Variants in EXOC1 observed in about 807,000 individuals in gnomAD.
The protein encoded by EXOC1 is SEC3-like 1.
In EXOC1, 67 loss-of-function variants were observed where a neutral mutation model predicts 107.7. The ratio of observed to expected loss-of-function variants is 0.62; its 90% CI spans 0.51 to 0.76. EXOC1 has a LOEUF of 0.76. Ranked by LOEUF, EXOC1 falls within the 30% of genes least tolerant of loss-of-function variation. The probability of loss-of-function intolerance (pLI) is 0.00; values close to 1 mark genes in which losing one functional copy is unlikely to be tolerated. For missense variants in EXOC1, 833 were observed against 1,055.7 expected (o/e 0.79, Z 2.92); for synonymous variants, 348 against 353.5 (o/e 0.98, Z 0.17).
At position 55,883,803 on chromosome 4, in the gene EXOC1, C is replaced by T; in HGVS notation, c.1225-20C>T. ...ATATGTGTTTTATTAATAAGAAGTACATGTTACTTTTATTTTAAGAATTAC... is the reference window on the plus strand; with the variant it reads ...ATATGTGTTTTATTAATAAGAAGTATATGTTACTTTTATTTTAAGAATTAC... On this transcript the variant is annotated intron_variant, in intron 9 of 18. Coordinates refer to ENST00000381295, the MANE Select transcript of EXOC1 (RefSeq NM_001024924.2). 3 of 1,433,708 alleles carry T rather than the reference C, an allele frequency of 2.1e-6. No homozygotes were observed. Among genetic ancestry groups the T allele is most frequent in the Non-Finnish European group, 1.9e-6 (2 of 1,046,682 alleles). The allele number at this position is 1,433,708 out of a possible 1,614,324, so 88.8% of individuals were successfully genotyped here.
intron 4 of EXOC1, among the ~76,000 whole-genome samples, chr4:55,866,145 T>C (rs554366040): frequency 6.6e-6 from 1 of 152,282 alleles, no homozygotes; most frequent in African/African-American, 2.4e-5. Context: ...CACCCCAGTT[T>C]AAGAGCTCAA....
intron 13 of EXOC1, 118 bp downstream of exon 13, chr4:55,891,540 A>AT (rs1222380753): frequency 2.9e-6 from 2 of 697,300 alleles, no homozygotes; most frequent in Non-Finnish European, 2.4e-6. Flanking sequence ...TCATGTAAGG[A>AT]TTTTTTTATG....
chr4:55,868,606 A>C (rs1722160156), intron 5 of EXOC1, 83 bp downstream of exon 5: 2 of 1,274,130 alleles, frequency 1.6e-6, no homozygotes, highest in African/African-American at 3.0e-5. Context: ...CTACCTCAGC[A>C]CTTAAGCCTT....
chr4:55,877,562 A>G, intron 8 of EXOC1: 1 of 985,370 alleles, frequency 1.0e-6, no homozygotes, highest in Non-Finnish European at 1.2e-6. Flanking sequence ...TCTTAATTCA[A>G]GCTATATCAA....
intron 11 of EXOC1, 111 bp downstream of exon 11, chr4:55,889,043 G>A: frequency 9.9e-7 from 1 of 1,014,898 alleles, no homozygotes; most frequent in Non-Finnish European, 1.5e-6. Flanking sequence ...GCTCTGAATT[G>A]CCAGGTATTG....
chr4:55,892,845 C>A, intron 14 of EXOC1, 134 bp downstream of exon 14: 3 of 737,060 alleles, frequency 4.1e-6, no homozygotes, highest in Non-Finnish European at 4.5e-6. Context: ...TGTCCATTGT[C>A]TTATCAAACG....
intron 8 of EXOC1, chr4:55,876,954 T>G: frequency 2.0e-6 from 2 of 985,366 alleles, no homozygotes; most frequent in Non-Finnish European, 2.4e-6. Context: ...TATACTCCCA[T>G]CTTTCTTTCT....
At chr4:55,872,604 C>T (rs1479236135) in intron 8 of EXOC1, among the ~76,000 whole-genome samples, 1 of 151,670 alleles carries the variant, frequency 6.6e-6, no homozygotes, top group East Asian at 1.9e-4. Context: ...TTAAAAGTCC[C>T]TTTTATTTTA....
intron 2 of EXOC1, among the ~76,000 whole-genome samples, chr4:55,859,269 C>G (rs1721262897): frequency 6.6e-6 from 1 of 152,060 alleles, no homozygotes; most frequent in East Asian, 1.9e-4. Context: ...GAACATGGTA[C>G]AGTTCTCTAT....
At position 55,891,439 on chromosome 4, in the gene EXOC1, A is replaced by G. The variant is rs892416110; in HGVS notation, c.1647+17A>G. On this transcript the variant is annotated intron_variant, in intron 13 of 18. Coordinates refer to ENST00000381295, the MANE Select transcript of EXOC1 (RefSeq NM_001024924.2). ...GGAACTATGGTATGGCTCACAGTGT[A>G]TTTTGGATAGTATTTATGATCTGTA... 2 of 1,484,536 alleles carry G rather than the reference A, an allele frequency of 1.3e-6. No homozygotes were observed. The highest frequency in any genetic ancestry group is 2.3e-5 in the South Asian group (2 of 88,404). 92.0% of individuals were successfully genotyped at this position (1,484,536 alleles called of 1,614,324 possible).
At chr4:55,870,414 A>C (rs961745837) in intron 5 of EXOC1, among the ~76,000 whole-genome samples, 4 of 152,244 alleles carry the variant, frequency 2.6e-5, no homozygotes, top group Admixed American at 2.6e-4. Flanking sequence ...TTACTTGTGC[A>C]GTCTGTGGAA....
At chr4:55,868,745 T>G (rs192673974) in intron 5 of EXOC1, 2 of 394,326 alleles carry the variant, frequency 5.1e-6, no homozygotes, top group Non-Finnish European at 9.0e-6. Flanking sequence ...ATTCTGGATT[T>G]GGGGAGGTTC....
chr4:55,889,524 A>G (rs192824818), intron 11 of EXOC1, among the ~76,000 whole-genome samples: 3 of 152,186 alleles, frequency 2.0e-5, no homozygotes, highest in Non-Finnish European at 2.9e-5. Flanking sequence ...CAGATGTCCC[A>G]TATTAATATG....
At chr4:55,880,383 C>A (rs1388845044) in intron 9 of EXOC1, among the ~76,000 whole-genome samples, 2 of 150,712 alleles carry the variant, frequency 1.3e-5, no homozygotes, top group Non-Finnish European at 3.0e-5. Flanking sequence ...TATTTTAGTT[C>A]CTCAGAATTA....
intron 1 of EXOC1, 99 bp from the exon 2 acceptor site, chr4:55,858,215 G>T: frequency 8.0e-7 from 1 of 1,246,928 alleles, no homozygotes; most frequent in Non-Finnish European, 1.1e-6. Context: ...ATTTTTCCTA[G>T]GCTTGTTAAC....
intron 15 of EXOC1, among the ~76,000 whole-genome samples, chr4:55,895,896 A>T (rs1725146469): frequency 6.6e-6 from 1 of 152,194 alleles, no homozygotes; most frequent in South Asian, 2.1e-4. Flanking sequence ...TACTCTGAAA[A>T]TAGAGAGTTT....
intron 10 of EXOC1, among the ~76,000 whole-genome samples, chr4:55,888,021 T>G (rs1724093656): frequency 6.6e-6 from 1 of 152,228 alleles, no homozygotes; most frequent in Non-Finnish European, 1.5e-5. Context: ...TTGACACATC[T>G]TTTTGCTGTT....
chr4:55,889,029 G>T, intron 11 of EXOC1, 97 bp downstream of exon 11: 8 of 1,266,102 alleles, frequency 6.3e-6, no homozygotes, highest in Non-Finnish European at 9.1e-6. Flanking sequence ...CAAAAATTTT[G>T]ATTGCTCTGA....
intron 1 of EXOC1, among the ~76,000 whole-genome samples, chr4:55,857,464 G>A (rs970170655): frequency 6.6e-6 from 1 of 152,050 alleles, no homozygotes; most frequent in African/African-American, 2.4e-5. Context: ...CACCGCCCGT[G>A]CCCGGCCCTT....
Sources: allele counts gnomAD v4.1 joint callset (sites outside exome capture counted in the v4.1 genomes callset), GRCh38; gene constraint gnomAD v4.1.1; transcripts MANE v1.5; gene names NCBI Gene and HGNC (gene_info 2026-07-23, HGNC 2026-07-21).